Variants in DNAJA2 observed in about 807,000 individuals in gnomAD.
The protein encoded by DNAJA2 is dnaJ homolog subfamily A member 2.
DNAJA2 carries 6 observed loss-of-function variants against 49.3 expected under a neutral mutation model. That is an observed-to-expected ratio of 0.12 (90% CI 0.07 to 0.24). DNAJA2 has a LOEUF of 0.24. DNAJA2 is among the 10% of genes least tolerant of loss of function. DNAJA2 has a pLI of 1.00. For missense variants in DNAJA2, 347 were observed against 516.8 expected, an observed-to-expected ratio of 0.67 and a Z score of 3.19; for synonymous variants, 160 against 172.7, an observed-to-expected ratio of 0.93 and a Z score of 0.58.
At chr16:46,970,777 G>A (rs1420808617) in intron 3 of DNAJA2, among the ~76,000 whole-genome samples, 8 of 127,162 alleles carry the variant, frequency 6.3e-5, no homozygotes, top group Admixed American at 9.6e-5. Flanking sequence ...AGTGGCTCAC[G>A]CCTGTAATCC....
chr16:46,959,169 AAG>A, intron 7 of DNAJA2, 39 bp from the exon 8 acceptor site: 1 of 1,577,444 alleles, frequency 6.3e-7, no homozygotes, highest in Non-Finnish European at 8.6e-7. Context: ...TTTTACCCAA[AAG>A]AGGTGTTCAA....
intron 3 of DNAJA2, among the ~76,000 whole-genome samples, chr16:46,968,720 C>T (rs1306089732): frequency 6.6e-6 from 1 of 152,044 alleles, no homozygotes; most frequent in Non-Finnish European, 1.5e-5. Context: ...ATAAAAGTGG[C>T]CCTACCTATA....
chr16:46,967,822 T>C (rs553761064), intron 4 of DNAJA2, among the ~76,000 whole-genome samples, 176 bp from the exon 5 acceptor site: 4 of 152,268 alleles, frequency 2.6e-5, no homozygotes, highest in Admixed American at 2.6e-4. Context: ...TTTATTGAGA[T>C]GGAGTCTCAC....
chr16:46,957,823 C>CTTAT (rs1197932462), intron 8 of DNAJA2, among the ~76,000 whole-genome samples: 2 of 152,106 alleles, frequency 1.3e-5, no homozygotes, highest in Non-Finnish European at 2.9e-5. Flanking sequence ...CACCAGCTTA[C>CTTAT]GATAAAGGGG....
At chr16:46,967,976 C>A (rs1038414465) in intron 4 of DNAJA2, 108 bp downstream of exon 4, 25 of 1,110,904 alleles carry the variant, frequency 2.3e-5, no homozygotes, top group Non-Finnish European at 3.1e-5. Context: ...AGCCACCGCA[C>A]CCAGCCGTAA....
At position 46,964,593 on chromosome 16, in the gene DNAJA2, TAAA is replaced by T; in HGVS notation, c.774+15_774+17del. On this transcript the variant is annotated intron_variant, in intron 6 of 8. Transcript: ENST00000317089. Reference sequence around the variant, plus strand: ...CTGAATAAAACAAAATACAAAAAACTAAAAAAAGGAAAATCACCTCATGTTCTT... The same window carrying T: ...CTGAATAAAACAAAATACAAAAAACTAAAAGGAAAATCACCTCATGTTCTT... 2 of 1,584,048 alleles carry T rather than the reference TAAA, an allele frequency of 1.3e-6. No individual in the cohort carries two copies. The highest frequency in any genetic ancestry group is 1.7e-6 in the Non-Finnish European group (2 of 1,170,076).
Position 46,973,667 on chromosome 16 carries a change from G to T in DNAJA2, c.-95C>A. ...GCGTCGGCGGCGGCACAGGCCGAGGGAGACAGCGAGGGGGAAGCGGGGGCG... is the reference window on the plus strand; with the variant it reads ...GCGTCGGCGGCGGCACAGGCCGAGGTAGACAGCGAGGGGGAAGCGGGGGCG... On this transcript the variant is annotated 5_prime_UTR_variant, in exon 1 of 9. Coordinates refer to ENST00000317089, the MANE Select transcript of DNAJA2 (RefSeq NM_005880.4). 3 of 1,330,476 alleles carry T rather than the reference G, an allele frequency of 2.3e-6. No individual in the cohort carries two copies. The highest frequency in any genetic ancestry group is 1.3e-5 in the South Asian group (1 of 79,832). The allele number at this position is 1,330,476 out of a possible 1,614,324, so 82.4% of individuals were successfully genotyped here. A position where few individuals can be genotyped will look rare whatever the true frequency, so the allele number is the denominator to read the frequency against.
intron 3 of DNAJA2, among the ~76,000 whole-genome samples, chr16:46,968,799 C>A (rs150706685): frequency 1.4e-4 from 22 of 152,296 alleles, no homozygotes; most frequent in Non-Finnish European, 2.6e-4. Flanking sequence ...ATAATCCCAG[C>A]ACTTCGGGAG....
At chr16:46,965,088 C>T (rs1027056623) in intron 5 of DNAJA2, among the ~76,000 whole-genome samples, 2 of 152,064 alleles carry the variant, frequency 1.3e-5, no homozygotes, top group African/African-American at 4.8e-5. Context: ...CGTGGTAGTG[C>T]ACACCTGTAA....
At chr16:46,968,812 TGAG>T (rs1330593904) in intron 3 of DNAJA2, among the ~76,000 whole-genome samples, 1 of 152,124 alleles carries the variant, frequency 6.6e-6, no homozygotes, top group African/African-American at 2.4e-5. Flanking sequence ...TTCGGGAGAC[TGAG>T]GAGGGAGGAT....
At position 46,973,608 on chromosome 16, in the gene DNAJA2, C is replaced by T. The variant is rs762311520; in HGVS notation, c.-36G>A. ...CGGGCAGTGCTCGGGGAGAAGGTGGCGAAGCAGACAGAGCGGAGTCGGGCC... is the reference window on the plus strand; with the variant it reads ...CGGGCAGTGCTCGGGGAGAAGGTGGTGAAGCAGACAGAGCGGAGTCGGGCC... On this transcript the variant is annotated 5_prime_UTR_variant, in exon 1 of 9. Transcript: ENST00000317089. The T allele has an allele frequency of 2.6e-5, 41 of 1,582,688 alleles. No homozygotes were observed. Among genetic ancestry groups the T allele is most frequent in the Admixed American group, 3.4e-5 (2 of 58,146 alleles).
At position 46,959,297 on chromosome 16, in the gene DNAJA2, G is replaced by C; in HGVS notation, c.897C>G (p.Pro299=). 1.2e-6 allele frequency: 2 copies of C among 1,613,512 alleles called. No homozygotes were observed. Among genetic ancestry groups the C allele is most frequent in the Non-Finnish European group, 1.7e-6 (2 of 1,179,854 alleles). Reference sequence around the variant, plus strand: ...TACCTGGTTCAATTACTTTGCCAGGGGGGTATTTCACCACAATCTGACGTC... The same window carrying C: ...TACCTGGTTCAATTACTTTGCCAGGCGGGTATTTCACCACAATCTGACGTC... The part of the protein sequence containing the change: ...LDGRQIVVKY[P]PGKVIEPGCV... Residue 299 remains proline, a synonymous_variant, in exon 7 of 9, where the codon CCC becomes CCG. Coordinates refer to ENST00000317089, the MANE Select transcript of DNAJA2 (RefSeq NM_005880.4).
chr16:46,966,828 TTTA>T (rs1961978376), intron 5 of DNAJA2, among the ~76,000 whole-genome samples: 1 of 152,238 alleles, frequency 6.6e-6, no homozygotes, highest in Non-Finnish European at 1.5e-5. Context: ...TGTTTAGTTA[TTTA>T]TTATTTGATT....
intron 5 of DNAJA2, among the ~76,000 whole-genome samples, chr16:46,965,439 C>T (rs1961955091): frequency 6.6e-6 from 1 of 152,170 alleles, no homozygotes; most frequent in African/African-American, 2.4e-5. Flanking sequence ...ATTACCAGCA[C>T]ATTTGAAGGC....
At position 46,973,587 on chromosome 16, in the gene DNAJA2, C is replaced by G. The variant is rs372882527; in HGVS notation, c.-15G>C. The G allele has an allele frequency of 2.5e-6, 4 of 1,590,030 alleles. No homozygotes were observed. The African/African-American group carries it at 4.1e-5, about 16-fold the overall frequency. ...ACGTTAGCCATGGCGGCCGGCCGGG[C>G]AGTGCTCGGGGAGAAGGTGGCGAAG... On this transcript the variant is annotated 5_prime_UTR_variant, in exon 1 of 9. Coordinates refer to ENST00000317089, the MANE Select transcript of DNAJA2 (RefSeq NM_005880.4).
In DNAJA2 at chr16:46,956,920, C is replaced by T. The variant is rs899164889; in HGVS notation, c.*109G>A. On this transcript the variant is annotated 3_prime_UTR_variant, in exon 9 of 9. Transcript: ENST00000317089. ...ATTTTAAAAGTTATACATAGACCAA[C>T]AGATGTCCCTCAGTTCATCTGGATT... 1 of 1,226,518 alleles carries T rather than the reference C, an allele frequency of 8.2e-7. No individual in the cohort carries two copies. The highest frequency in any genetic ancestry group is 1.2e-6 in the Non-Finnish European group (1 of 837,492). The allele number at this position is 1,226,518 out of a possible 1,614,324, so 76.0% of individuals were successfully genotyped here. A position where few individuals can be genotyped will look rare whatever the true frequency, so the allele number is the denominator to read the frequency against.
rs10523905 is a variant in DNAJA2 at position 46,970,730 on chromosome 16, C to CAAAAAAAAAAAAAAAAAAAAAAA, written c.362+596_362+618dup. On this transcript the variant is annotated intron_variant, in intron 3 of 8. Transcript: ENST00000317089. ...AACCCGGGCGACAGGGACTCCATTT[C>CAAAAAAAAAAAAAAAAAAAAAAA]AAAAAAAAAAAAAAAAAAAAAAAAA... Among the ~76,000 whole-genome samples, 2 of 32,200 alleles carry CAAAAAAAAAAAAAAAAAAAAAAA rather than the reference C, an allele frequency of 6.2e-5. 1 individual carries two copies. The highest frequency in any genetic ancestry group is 1.1e-4 in the Non-Finnish European group (2 of 17,694). The allele number at this position is 32,200 out of a possible 152,430, so 21.1% of individuals were successfully genotyped here. A position where few individuals can be genotyped will look rare whatever the true frequency, so the allele number is the denominator to read the frequency against.
At chr16:46,957,953 T>A (rs1168993140) in intron 8 of DNAJA2, among the ~76,000 whole-genome samples, 1 of 152,006 alleles carries the variant, frequency 6.6e-6, no homozygotes. Context: ...CCCATCAACA[T>A]TTACACCAGC....
rs944873450 is a variant in DNAJA2, at chr16:46,964,265, G to A, written c.774+346C>T. Reference sequence around the variant, plus strand: ...AGCATGCCTGTAGTCCCAACTACTCGGGAGGCTGAGGCAGGAGAATCACTT... The same window carrying A: ...AGCATGCCTGTAGTCCCAACTACTCAGGAGGCTGAGGCAGGAGAATCACTT... On this transcript the variant is annotated intron_variant, in intron 6 of 8. Transcript: ENST00000317089. Among the ~76,000 whole-genome samples the A allele has an allele frequency of 2.6e-5, 4 of 152,030 alleles. No individual in the cohort carries two copies. The East Asian group carries it at 7.7e-4, about 29-fold the overall frequency.
Sources: allele counts gnomAD v4.1 joint callset (sites outside exome capture counted in the v4.1 genomes callset), GRCh38; gene constraint gnomAD v4.1.1; transcripts MANE v1.5; gene names NCBI Gene and HGNC (gene_info 2026-07-23, HGNC 2026-07-21).